The following SRBD1 variants were observed in gnomAD, a reference collection of about 807,000 sequenced individuals.
SRBD1 encodes the protein S1 RNA-binding domain-containing protein 1.
Under a neutral mutation model 115.3 loss-of-function variants are expected in SRBD1, and 88 were observed. That is an observed-to-expected ratio of 0.76 (90% confidence interval 0.64 to 0.91). The LOEUF (loss-of-function observed/expected upper bound fraction) is 0.91, where lower values mean the gene tolerates loss of function less well. Among genes scored for constraint, SRBD1 ranks in the 40% least tolerant of loss-of-function variants. The pLI is 0.00. For synonymous variants in SRBD1, 509 were observed against 407.7 expected (o/e 1.25, Z -2.99); for missense variants, 1,385 against 1,177.4 (o/e 1.18, Z -2.58).
At chr2:45,559,511 A>C (rs1033639922) in intron 10 of SRBD1, among the ~76,000 whole-genome samples, 1 of 152,166 alleles carries the variant, frequency 6.6e-6, no homozygotes. Context: ...TGTTGTTCTC[A>C]TTAAACTACG....
intron 8 of SRBD1, among the ~76,000 whole-genome samples, chr2:45,574,323 C>G (rs141240085): frequency 6.6e-6 from 1 of 152,174 alleles, no homozygotes; most frequent in Non-Finnish European, 1.5e-5. Context: ...GGACATGAAT[C>G]TCTCTTCGTA....
At position 45,603,658 on chromosome 2, in the gene SRBD1, T is replaced by C. The variant is rs1351017511; in HGVS notation, c.81-1575A>G. Among the ~76,000 whole-genome samples, 5 of 152,266 alleles carry C rather than the reference T, an allele frequency of 3.3e-5. No homozygotes were observed. The East Asian group carries it at 9.7e-4, about 29-fold the overall frequency. On this transcript the variant is annotated intron_variant, in intron 2 of 20. Coordinates refer to ENST00000263736, the MANE Select transcript of SRBD1 (RefSeq NM_018079.5). ...GATTCTCACGTCTCAGTCCCCCAGG[T>C]AGCTGGGATTATAGGCACGTGCCAC...
chr2:45,521,770 T>C (rs1178006849), intron 14 of SRBD1, among the ~76,000 whole-genome samples: 2 of 151,992 alleles, frequency 1.3e-5, no homozygotes, highest in African/African-American at 4.8e-5. Context: ...AGTTCTACAC[T>C]AGCCTGGGCA....
intron 12 of SRBD1, among the ~76,000 whole-genome samples, chr2:45,550,861 A>G (rs1672274223): frequency 6.6e-6 from 1 of 152,234 alleles, no homozygotes; most frequent in Non-Finnish European, 1.5e-5. Flanking sequence ...GAATTAATAG[A>G]GTTCAAGTCC....
At chr2:45,437,976 T>C (rs10210691) in intron 16 of SRBD1, among the ~76,000 whole-genome samples, 121,991 of 152,008 alleles carry the variant, frequency 0.8, 49,717 homozygotes, top group African/African-American at 0.93. Flanking sequence ...TCTGTTTGTC[T>C]AAACCCATAA....
chr2:45,559,727 TA>T (rs1672600744), intron 10 of SRBD1, among the ~76,000 whole-genome samples: 1 of 152,194 alleles, frequency 6.6e-6, no homozygotes, highest in African/African-American at 2.4e-5. Flanking sequence ...CTTTTGAGAA[TA>T]ATTTTTTAGG....
At chr2:45,428,241 T>C (rs1572629992) in intron 16 of SRBD1, among the ~76,000 whole-genome samples, 1 of 152,186 alleles carries the variant, frequency 6.6e-6, no homozygotes, top group Admixed American at 6.5e-5. Context: ...AACCCGCTCC[T>C]GAATGACTAC....
intron 16 of SRBD1, among the ~76,000 whole-genome samples, chr2:45,451,575 C>CT (rs1411937919): frequency 6.6e-6 from 1 of 151,800 alleles, no homozygotes; most frequent in East Asian, 1.9e-4. Context: ...GATCTGCCGG[C>CT]ATACAGTATC....
At chr2:45,518,526 C>G (rs1293787410) in intron 14 of SRBD1, among the ~76,000 whole-genome samples, 1 of 152,144 alleles carries the variant, frequency 6.6e-6, no homozygotes, top group Non-Finnish European at 1.5e-5. Flanking sequence ...CATGGCCCCA[C>G]CTCATACCTC....
At chr2:45,555,591 T>C (rs1347707661) in intron 10 of SRBD1, among the ~76,000 whole-genome samples, 3 of 149,888 alleles carry the variant, frequency 2.0e-5, no homozygotes, top group African/African-American at 2.5e-5. Flanking sequence ...CCTGGGTTCA[T>C]GCCATTCTCC....
intron 14 of SRBD1, among the ~76,000 whole-genome samples, chr2:45,494,531 A>G (rs936539829): frequency 6.6e-6 from 1 of 152,252 alleles, no homozygotes; most frequent in Non-Finnish European, 1.5e-5. Flanking sequence ...AGAAAAGTCA[A>G]GAATAAGTTC....
At chr2:45,457,516 G>A (rs536067110) in intron 16 of SRBD1, among the ~76,000 whole-genome samples, 48 of 151,954 alleles carry the variant, frequency 3.2e-4, no homozygotes, top group African/African-American at 1.1e-3. Context: ...TAAGCTAGAA[G>A]TAATCTTTTT....
intron 1 of SRBD1, among the ~76,000 whole-genome samples, chr2:45,610,619 A>C (rs1192203196): frequency 1.3e-5 from 2 of 152,170 alleles, no homozygotes. Flanking sequence ...TTGCCTAGAG[A>C]GTTCCCAATT....
At chr2:45,444,624 T>C (rs1668766949) in intron 16 of SRBD1, among the ~76,000 whole-genome samples, 1 of 152,210 alleles carries the variant, frequency 6.6e-6, no homozygotes, top group South Asian at 2.1e-4. Flanking sequence ...ACTATACTGG[T>C]TCAAAGTTCT....
chr2:45,547,666 C>G, intron 12 of SRBD1, 54 bp from the exon 13 acceptor site: 1 of 1,456,408 alleles, frequency 6.9e-7, no homozygotes, highest in Non-Finnish European at 9.4e-7. Flanking sequence ...AAGTGAAACA[C>G]ATGAATGATT....
chr2:45,406,466 C>T (rs1001638244), intron 19 of SRBD1, among the ~76,000 whole-genome samples: 13 of 151,874 alleles, frequency 8.6e-5, no homozygotes, highest in African/African-American at 2.4e-4. Flanking sequence ...TCCCATGTTC[C>T]CCTTATATAT....
At chr2:45,455,145 A>G (rs1301967782) in intron 16 of SRBD1, among the ~76,000 whole-genome samples, 1 of 151,892 alleles carries the variant, frequency 6.6e-6, no homozygotes, top group East Asian at 1.9e-4. Flanking sequence ...GGACATGACA[A>G]ACTCTTTTCA....
At chr2:45,512,033 CAA>C (rs763142102) in intron 14 of SRBD1, among the ~76,000 whole-genome samples, 1 of 152,170 alleles carries the variant, frequency 6.6e-6, no homozygotes, top group Non-Finnish European at 1.5e-5. Flanking sequence ...CTTTATCCTG[CAA>C]AGAGGCTGAA....
At chr2:45,520,673 G>A (rs1236118198) in intron 14 of SRBD1, among the ~76,000 whole-genome samples, 1 of 146,442 alleles carries the variant, frequency 6.8e-6, no homozygotes, top group Non-Finnish European at 1.5e-5. Context: ...GAATGGCGCA[G>A]CAGAGAAAGA....
Sources: gnomAD v4.1 joint callset for allele counts (sites outside exome capture counted in the v4.1 genomes callset) on GRCh38, gnomAD v4.1.1 for gene constraint, MANE v1.5 for transcripts, NCBI Gene and HGNC (gene_info 2026-07-23, HGNC 2026-07-21) for gene names.